Variants in FLOT2 observed in about 807,000 individuals in gnomAD.
FLOT2 encodes the protein flotillin 2.
In FLOT2, 35 loss-of-function variants were observed where a neutral mutation model predicts 54.9. That is an observed-to-expected ratio of 0.64 (90% confidence interval 0.49 to 0.84). FLOT2 has a LOEUF of 0.84. Among genes scored for constraint, FLOT2 ranks in the 40% least tolerant of loss-of-function variants. The probability of loss-of-function intolerance (pLI) is 0.00; values close to 1 mark genes in which losing one functional copy is unlikely to be tolerated. For synonymous variants in FLOT2, 207 were observed against 228.9 expected (o/e 0.90, Z 0.86); for missense variants, 464 against 572.1 (o/e 0.81, Z 1.93).
intron 2 of FLOT2, chr17:28,885,935 C>A: frequency 6.5e-7 from 1 of 1,549,966 alleles, no homozygotes; most frequent in Non-Finnish European, 8.7e-7. Context: ...TGGTCATAAC[C>A]TCCAGAGACA....
intron 2 of FLOT2, among the ~76,000 whole-genome samples, chr17:28,887,828 C>G (rs1171490076): frequency 6.6e-6 from 1 of 152,198 alleles, no homozygotes; most frequent in East Asian, 1.9e-4. Flanking sequence ...AGCCTTGGAC[C>G]AGAAGAGTCC....
At chr17:28,893,357 A>T (rs917393218) in intron 1 of FLOT2, 1 of 148,456 alleles carries the variant, frequency 6.7e-6, no homozygotes, top group African/African-American at 2.5e-5. Context: ...GACACAGCCC[A>T]CCACTCTGCC....
chr17:28,895,937 G>T (rs1366638852), intron 1 of FLOT2, among the ~76,000 whole-genome samples: 1 of 152,148 alleles, frequency 6.6e-6, no homozygotes, highest in Non-Finnish European at 1.5e-5. Flanking sequence ...GCAGACAGGT[G>T]GGGGCAGGGG....
intron 1 of FLOT2, 77 bp from the exon 2 acceptor site, chr17:28,889,103 T>C (rs2039601006): frequency 4.0e-6 from 5 of 1,249,156 alleles, no homozygotes; most frequent in Non-Finnish European, 4.6e-6. Flanking sequence ...ATAGCAACTT[T>C]TGTCCTTTAC....
intron 2 of FLOT2, among the ~76,000 whole-genome samples, chr17:28,888,290 A>G (rs1431365206): frequency 6.6e-6 from 1 of 152,244 alleles, no homozygotes; most frequent in East Asian, 1.9e-4. Flanking sequence ...TAGGCTCTGC[A>G]GGCAGCGGCA....
chr17:28,885,795 A>T, intron 2 of FLOT2: 1 of 1,144,226 alleles, frequency 8.7e-7, no homozygotes, highest in Non-Finnish European at 1.3e-6. Context: ...CCTGTCTGCC[A>T]GGCCCCGCAG....
At chr17:28,885,742 G>C (rs1339698062) in intron 2 of FLOT2, 13 of 737,940 alleles carry the variant, frequency 1.8e-5, no homozygotes, top group Non-Finnish European at 3.2e-5. Flanking sequence ...GAGAAAAGAG[G>C]AGAGGGAGGA....
rs978036289 is a variant in FLOT2 at position 28,879,361 on chromosome 17, T to G, written c.*1200A>C. 3.5e-5 allele frequency: 35 copies of G among 988,022 alleles called. No homozygotes were observed. Among genetic ancestry groups the G allele is most frequent in the Non-Finnish European group, 4.0e-5 (33 of 830,188 alleles). The allele number at this position is 988,022 out of a possible 1,614,324, so 61.2% of individuals were successfully genotyped here. A position where few individuals can be genotyped will look rare whatever the true frequency, so the allele number is the denominator to read the frequency against. Reference sequence around the variant, plus strand: ...GGGTGGGCATTAAGAGTTCTTTATTTTACCAGAAGGGACAGGCAGTGGGGC... The same window carrying G: ...GGGTGGGCATTAAGAGTTCTTTATTGTACCAGAAGGGACAGGCAGTGGGGC... On this transcript the variant is annotated 3_prime_UTR_variant, in exon 11 of 11. Transcript: ENST00000394908.
At chr17:28,894,757 G>A (rs1598103652) in intron 1 of FLOT2, among the ~76,000 whole-genome samples, 1 of 141,814 alleles carries the variant, frequency 7.1e-6, no homozygotes. Flanking sequence ...TCATGCTACT[G>A]CACTCTAGTA....
At position 28,882,112 on chromosome 17, in the gene FLOT2, G is replaced by T; in HGVS notation, c.699+6C>A. On this transcript the variant is annotated splice_donor_region_variant and intron_variant, in intron 7 of 10. Transcript: ENST00000394908. This position sits in a 1 kb window ranked among gnomAD's most constrained non-coding sequence, Gnocchi z 5.6. ...CCCCATCCCAGGATGTCCTCAGGCT[G>T]CTCACCTTGATGTTAACCTCCTCAC... 1 of 1,614,078 alleles carries T rather than the reference G, an allele frequency of 6.2e-7. No individual in the cohort carries two copies. Among genetic ancestry groups the T allele is most frequent in the South Asian group, 1.1e-5 (1 of 91,088 alleles).
chr17:28,881,059 G>T, intron 9 of FLOT2, 133 bp downstream of exon 9: 2 of 1,040,288 alleles, frequency 1.9e-6, no homozygotes, highest in Non-Finnish European at 2.8e-6. Context: ...CCCCTGCTGA[G>T]GATGCTCCTC....
chr17:28,887,226 G>A (rs901696824), intron 2 of FLOT2, among the ~76,000 whole-genome samples: 3 of 152,128 alleles, frequency 2.0e-5, no homozygotes, highest in Non-Finnish European at 4.4e-5. Context: ...CATATAGACA[G>A]CTGCAGAAAG....
chr17:28,883,115 G>A lies in FLOT2; in HGVS notation c.339C>T (p.Ser113=). ...VLQTLEGHLR[S]ILGTLTVEQI... Reference sequence around the variant, plus strand: ...GGCTGAACAGGGCCTCACCGAGGATGGAGCGCAGATGTCCCTCCAGGGTCT... The same window carrying A: ...GGCTGAACAGGGCCTCACCGAGGATAGAGCGCAGATGTCCCTCCAGGGTCT... The change falls in exon 4 of 11, where the codon TCC becomes TCT. Residue 113 remains serine (S), a synonymous_variant. Transcript: ENST00000394908. The surrounding 1 kb of genome is among the most constrained non-coding windows in gnomAD (Gnocchi z 5.0). 1.9e-6 allele frequency: 3 copies of A among 1,614,138 alleles called. No homozygotes were observed. In the African/African-American group the frequency reaches 4.0e-5, roughly 22 times the overall value.
rs1220861786 is a variant in FLOT2 at position 28,883,391 on chromosome 17, G to A, written c.223-160C>T. Among the ~76,000 whole-genome samples, 1 of 152,140 alleles carries A rather than the reference G, an allele frequency of 6.6e-6. No individual in the cohort carries two copies. Among genetic ancestry groups the A allele is most frequent in the Non-Finnish European group, 1.5e-5 (1 of 68,018 alleles). The stretch of plus-strand genomic sequence containing the variant: ...ATCTGTCTGAAGCCTCTAGTGGGGA[G>A]ACAGCAGCACAAGGGCTTCTCTCAC... On this transcript the variant is annotated intron_variant, in intron 3 of 10. Transcript: ENST00000394908. The surrounding 1 kb of genome is among the most constrained non-coding windows in gnomAD (Gnocchi z 5.0).
Position 28,882,397 on chromosome 17 carries a change from G to A in FLOT2, c.519C>T (p.Ala173=), listed in dbSNP as rs200329095. 1.5e-5 allele frequency: 24 copies of A among 1,614,070 alleles called. No individual in the cohort carries two copies. Among genetic ancestry groups the A allele is most frequent in the South Asian group, 5.5e-5 (5 of 91,080 alleles). Reference sequence around the variant, plus strand: ...CAATGTCAGCATCTCTCTGCACCACGGCAGTCTGCGTCTTGCCCAGGGAGC... The same window carrying A: ...CAATGTCAGCATCTCTCTGCACCACAGCAGTCTGCGTCTTGCCCAGGGAGC... ...YLSSLGKTQT[A]VVQRDADIGV... is the part of the protein sequence containing the mutation. The change falls in exon 6 of 11, where the codon GCC becomes GCT. Residue 173 remains alanine, a synonymous_variant. Coordinates refer to ENST00000394908, the MANE Select transcript of FLOT2 (RefSeq NM_004475.3). The surrounding 1 kb of genome is among the most constrained non-coding windows in gnomAD (Gnocchi z 5.6).
At chr17:28,881,613 A>G (rs188260338) in intron 8 of FLOT2, among the ~76,000 whole-genome samples, 110 of 152,368 alleles carry the variant, frequency 7.2e-4, no homozygotes, top group Admixed American at 2.2e-3. Flanking sequence ...TACACCAGGC[A>G]CTGGAGCCTC....
intron 2 of FLOT2, chr17:28,886,063 G>GGA (rs938651660): frequency 6.6e-6 from 4 of 610,464 alleles, no homozygotes; most frequent in East Asian, 2.9e-5. Context: ...GGGGGCGGGG[G>GGA]GGGGCATGCT....
chr17:28,891,168 G>C (rs185917929), intron 1 of FLOT2, among the ~76,000 whole-genome samples: 57 of 152,234 alleles, frequency 3.7e-4, no homozygotes, highest in Admixed American at 1.4e-3. Context: ...GGCATGAGCC[G>C]CCGCGCCTGG....
At chr17:28,893,877 T>C (rs1009945461) in intron 1 of FLOT2, among the ~76,000 whole-genome samples, 1 of 152,256 alleles carries the variant, frequency 6.6e-6, no homozygotes, top group Non-Finnish European at 1.5e-5. Flanking sequence ...ATCCCCTAGA[T>C]TGCTCTATCA....
Sources: gnomAD v4.1 joint callset for allele counts (sites outside exome capture counted in the v4.1 genomes callset) on GRCh38, gnomAD v4.1.1 for gene constraint, Gnocchi (gnomAD v3.1) non-coding constraint, MANE v1.5 for transcripts, NCBI Gene and HGNC (gene_info 2026-07-23, HGNC 2026-07-21) for gene names.